PTCD2: variants seen among roughly 807,000 people sequenced by gnomAD.
PTCD2 encodes the protein pentatricopeptide repeat domain 2.
PTCD2 carries 31 observed loss-of-function variants against 42.6 expected under a neutral mutation model. The observed-to-expected ratio is 0.73, with a 90% CI of 0.55 to 0.98. The LOEUF (loss-of-function observed/expected upper bound fraction) is 0.98, where lower values mean the gene tolerates loss of function less well. Ranked by LOEUF, PTCD2 falls within the 50% of genes least tolerant of loss-of-function variation. The pLI is 0.00. For missense variants in PTCD2, 476 were observed against 454.8 expected (o/e 1.05, Z -0.42); for synonymous variants, 183 against 170.9 (o/e 1.07, Z -0.55).
In PTCD2 at chr5:72,360,132, GC is replaced by G. The variant is rs1332181887; in HGVS notation, c.*1709del. 1 of 151,674 alleles carries G rather than the reference GC, an allele frequency of 6.6e-6. No individual in the cohort carries two copies. Among genetic ancestry groups the G allele is most frequent in the African/African-American group, 2.4e-5 (1 of 41,276 alleles). The allele number at this position is 151,674 out of a possible 1,614,324, so 9.4% of individuals were successfully genotyped here. A position where few individuals can be genotyped will look rare whatever the true frequency, so the allele number is the denominator to read the frequency against. Reference sequence around the variant, plus strand: ...CTTGTGCTCTGTGAAACATTGAACAGCCCCATTTAGAGAAACAAATTCTCTG... The same window carrying G: ...CTTGTGCTCTGTGAAACATTGAACAGCCCATTTAGAGAAACAAATTCTCTG... On this transcript the variant is annotated 3_prime_UTR_variant, in exon 10 of 10. Transcript: ENST00000380639.
rs554309192 is a variant in PTCD2, at chr5:72,347,273, TA to T, written c.828+4239del. On this transcript the variant is annotated intron_variant, in intron 8 of 9. Coordinates refer to ENST00000380639, the MANE Select transcript of PTCD2 (RefSeq NM_024754.5). ...ACTGGGATTAGTGGCTCCTCTTGAA[TA>T]ATAAAAAGAACACAAGACTGGATGT... 6.6e-5 allele frequency among the ~76,000 whole-genome samples: 10 copies of T among 152,270 alleles called. No homozygotes were observed. In the South Asian group the frequency reaches 1.9e-3, roughly 28 times the overall value.
intron 8 of PTCD2, among the ~76,000 whole-genome samples, chr5:72,344,469 C>G (rs796444009): frequency 7.9e-5 from 12 of 152,118 alleles, no homozygotes; most frequent in African/African-American, 1.4e-4. Flanking sequence ...GCCAAAATTG[C>G]GCCACTACAC....
At chr5:72,329,494 AC>A (rs1561378691) in intron 3 of PTCD2, among the ~76,000 whole-genome samples, 2 of 152,194 alleles carry the variant, frequency 1.3e-5, no homozygotes, top group Non-Finnish European at 2.9e-5. Context: ...ACTTTCTAGC[AC>A]TTTTATTAAT....
At position 72,342,961 on chromosome 5, in the gene PTCD2, G is replaced by A; in HGVS notation, c.754-1G>A. 6.3e-7 allele frequency: 1 copy of A among 1,581,320 alleles called. No homozygotes were observed. The highest frequency in any genetic ancestry group is 8.6e-7 in the Non-Finnish European group (1 of 1,158,754). ...ATATGATTTGTTTCTCTTCCTTCTAGAATGAGATGGCAAAAGCTGTGTCCA... is the reference window on the plus strand; with the variant it reads ...ATATGATTTGTTTCTCTTCCTTCTAAAATGAGATGGCAAAAGCTGTGTCCA... On this transcript the variant is annotated splice_acceptor_variant, in intron 7 of 9. Coordinates refer to ENST00000380639, the MANE Select transcript of PTCD2 (RefSeq NM_024754.5). LOFTEE classifies it high-confidence loss of function.
intron 2 of PTCD2, among the ~76,000 whole-genome samples, chr5:72,324,417 GA>G (rs1475916126): frequency 6.6e-6 from 1 of 152,068 alleles, no homozygotes; most frequent in African/African-American, 2.4e-5. Context: ...CCCTTTCTAG[GA>G]CGGTTTCTGG....
chr5:72,343,129 A>G (rs1347556557), intron 8 of PTCD2, 93 bp downstream of exon 8: 3 of 537,164 alleles, frequency 5.6e-6, no homozygotes, highest in Non-Finnish European at 8.8e-6. Context: ...TTAGCTGTAT[A>G]CAATGACTTG....
Position 72,338,653 on chromosome 5 carries a change from C to G in PTCD2, c.671C>G (p.Thr224Arg). 6.2e-7 allele frequency: 1 copy of G among 1,610,696 alleles called. No individual in the cohort carries two copies. The highest frequency in any genetic ancestry group is 8.5e-7 in the Non-Finnish European group (1 of 1,176,992). The change falls in exon 7 of 10, where the codon ACA (threonine) becomes AGA (arginine). Residue 224 changes from threonine (T) to arginine (R), a missense_variant. Physicochemically the swap from Thr to Arg is moderately conservative, Grantham distance 71. Transcript: ENST00000380639. ...CCTGAGTCTTTCAAAATCTGTACTA[C>G]ATTAAGAGAAGAAGCTCTACTCAAA... is the stretch of plus-strand genomic sequence containing the variant. The part of the protein sequence containing the change: ...NSPESFKICT[T>R]LREEALLKGE...
At chr5:72,324,801 C>G (rs920730663) in intron 2 of PTCD2, among the ~76,000 whole-genome samples, 1 of 152,168 alleles carries the variant, frequency 6.6e-6, no homozygotes, top group South Asian at 2.1e-4. Flanking sequence ...CTATTCCTTA[C>G]GCTTCTTGGT....
chr5:72,364,355 G>A lies in PTCD2; in HGVS notation c.*5928G>A, dbSNP rs1046862500. 2 of 152,172 alleles carry A rather than the reference G, an allele frequency of 1.3e-5. No individual in the cohort carries two copies. The highest frequency in any genetic ancestry group is 1.3e-4 in the Admixed American group (2 of 15,284). The allele number at this position is 152,172 out of a possible 1,614,324, so 9.4% of individuals were successfully genotyped here. A position where few individuals can be genotyped will look rare whatever the true frequency, so the allele number is the denominator to read the frequency against. ...CAGTTGGGATAAGTGCTAAGTCTAGGGTAATCTTCATATCACCCTGTGGCA... is the reference window on the plus strand; with the variant it reads ...CAGTTGGGATAAGTGCTAAGTCTAGAGTAATCTTCATATCACCCTGTGGCA... On this transcript the variant is annotated 3_prime_UTR_variant, in exon 10 of 10. Coordinates refer to ENST00000380639, the MANE Select transcript of PTCD2 (RefSeq NM_024754.5).
chr5:72,358,424 G>A lies in PTCD2; in HGVS notation c.1164G>A (p.Glu388=). Reference sequence around the variant, plus strand: ...CACTCAGCCAGTCCCTGTTGGCTGAGTAACCCTGGTTTCAGTCCACCTATG... The same window carrying A: ...CACTCAGCCAGTCCCTGTTGGCTGAATAACCCTGGTTTCAGTCCACCTATG... ...FQPLSQSLLA[E] The change falls in exon 10 of 10, where the codon GAG becomes GAA. Residue 388 remains glutamate (E), a synonymous_variant. Coordinates refer to ENST00000380639, the MANE Select transcript of PTCD2 (RefSeq NM_024754.5). 1 of 1,611,726 alleles carries A rather than the reference G, an allele frequency of 6.2e-7. No homozygotes were observed. Among genetic ancestry groups the A allele is most frequent in the Non-Finnish European group, 8.5e-7 (1 of 1,178,838 alleles).
intron 8 of PTCD2, among the ~76,000 whole-genome samples, chr5:72,345,510 G>A (rs938703099): frequency 1.3e-5 from 2 of 152,188 alleles, no homozygotes; most frequent in African/African-American, 4.8e-5. Flanking sequence ...AATCACAAGG[G>A]TATTGATTGG....
chr5:72,328,123 A>G (rs1751243722), intron 3 of PTCD2, among the ~76,000 whole-genome samples: 1 of 152,242 alleles, frequency 6.6e-6, no homozygotes, highest in Non-Finnish European at 1.5e-5. Context: ...ATAACAACCC[A>G]CACCAGAACT....
At chr5:72,344,070 G>A (rs1237967680) in intron 8 of PTCD2, among the ~76,000 whole-genome samples, 2 of 151,848 alleles carry the variant, frequency 1.3e-5, no homozygotes, top group Non-Finnish European at 2.9e-5. Flanking sequence ...AGGGGGTCGG[G>A]TTGGCCGGCA....
intron 7 of PTCD2, among the ~76,000 whole-genome samples, chr5:72,340,876 G>A (rs542838313): frequency 1.3e-4 from 19 of 150,542 alleles, no homozygotes; most frequent in African/African-American, 4.4e-4. Context: ...TTGACGTGAT[G>A]TTGTTCATTT....
At chr5:72,357,487 T>C (rs1214337321) in intron 9 of PTCD2, among the ~76,000 whole-genome samples, 1 of 152,230 alleles carries the variant, frequency 6.6e-6, no homozygotes, top group African/African-American at 2.4e-5. Flanking sequence ...CAGTTCATTC[T>C]CTGCAACTTT....
chr5:72,328,109 C>T (rs189121430), intron 3 of PTCD2, among the ~76,000 whole-genome samples: 4 of 152,288 alleles, frequency 2.6e-5, no homozygotes, highest in Admixed American at 6.5e-5. Context: ...TTGTCTGTTG[C>T]TGTATAACAA....
At chr5:72,337,804 T>C (rs774468085) in intron 6 of PTCD2, among the ~76,000 whole-genome samples, 1 of 152,014 alleles carries the variant, frequency 6.6e-6, no homozygotes, top group Non-Finnish European at 1.5e-5. Flanking sequence ...AAAAATAAAA[T>C]AAATAAATAA....
chr5:72,325,549 C>A (rs181272206), intron 2 of PTCD2, among the ~76,000 whole-genome samples: 4 of 152,182 alleles, frequency 2.6e-5, no homozygotes, highest in Non-Finnish European at 4.4e-5. Flanking sequence ...CAGCCCAGGT[C>A]CTTCCATCTC....
intron 3 of PTCD2, among the ~76,000 whole-genome samples, chr5:72,327,602 A>G (rs542048871): frequency 6.6e-6 from 1 of 151,618 alleles, no homozygotes; most frequent in South Asian, 2.1e-4. Flanking sequence ...TCTCCCAAGT[A>G]GCTGGGGTTA....
Sources: allele counts gnomAD v4.1 joint callset (sites outside exome capture counted in the v4.1 genomes callset), GRCh38; gene constraint gnomAD v4.1.1; transcripts MANE v1.5; gene names NCBI Gene and HGNC (gene_info 2026-07-23, HGNC 2026-07-21).